The following RTN4RL1 variants were observed in gnomAD, a reference collection of about 807,000 sequenced individuals.
RTN4RL1 encodes the protein reticulon 4 receptor like 1.
A neutral mutation model predicts 25.6 loss-of-function variants in RTN4RL1; 7 were observed. The ratio of observed to expected loss-of-function variants is 0.27; its 90% CI spans 0.16 to 0.51. RTN4RL1 has a LOEUF of 0.51. RTN4RL1 is among the 20% of genes least tolerant of loss of function. The pLI is 0.97. For missense variants in RTN4RL1, 500 were observed against 615.6 expected (o/e 0.81, Z 1.99); for synonymous variants, 297 against 288.2 (o/e 1.03, Z -0.31).
intron 1 of RTN4RL1, among the ~76,000 whole-genome samples, chr17:1,942,485 G>A (rs1290658962): frequency 6.6e-6 from 1 of 152,026 alleles, no homozygotes; most frequent in Non-Finnish European, 1.5e-5. Flanking sequence ...CCCTGGAGGT[G>A]TGTGTGGGAA....
chr17:1,955,205 T>C (rs1418030092), intron 1 of RTN4RL1, among the ~76,000 whole-genome samples: 1 of 152,164 alleles, frequency 6.6e-6, no homozygotes, highest in Non-Finnish European at 1.5e-5. Flanking sequence ...TCCCCAACCC[T>C]ATTTCTCCCT....
At chr17:1,988,418 A>T (rs1440388799) in intron 1 of RTN4RL1, among the ~76,000 whole-genome samples, 1 of 144,984 alleles carries the variant, frequency 6.9e-6, no homozygotes, top group Non-Finnish European at 1.5e-5. Flanking sequence ...AAAAAAAAAA[A>T]AAAGAAAAGA....
At position 1,994,067 on chromosome 17, in the gene RTN4RL1, C is replaced by G. The variant is rs182998541; in HGVS notation, c.13+30786G>C. On this transcript the variant is annotated intron_variant, in intron 1 of 1. Coordinates refer to ENST00000331238, the MANE Select transcript of RTN4RL1 (RefSeq NM_178568.4). This position sits in a 1 kb window ranked among gnomAD's most constrained non-coding sequence, Gnocchi z 4.3. ...CACCCCCGGCTACGCTGAACCACCC[C>G]GTTCCTCAGGACACGTGCACTCGAA... Among the ~76,000 whole-genome samples, 28 of 152,168 alleles carry G rather than the reference C, an allele frequency of 1.8e-4. No individual in the cohort carries two copies. The highest frequency in any genetic ancestry group is 9.2e-4 in the Admixed American group (14 of 15,268).
chr17:1,962,649 GAGGTC>G (rs1055147930), intron 1 of RTN4RL1, among the ~76,000 whole-genome samples: 2 of 151,992 alleles, frequency 1.3e-5, no homozygotes, highest in African/African-American at 4.8e-5. Context: ...TGGATCATTT[GAGGTC>G]AGGAGTTCGA....
At position 1,934,693 on chromosome 17, in the gene RTN4RL1, T is replaced by G. The variant is rs1915257564; in HGVS notation, c.*1803A>C. On this transcript the variant is annotated 3_prime_UTR_variant, in exon 2 of 2. Transcript: ENST00000331238. This position sits in a 1 kb window ranked among gnomAD's most constrained non-coding sequence, Gnocchi z 4.0. ...AAAACAGGGTTCTTGTCCAAGATCA[T>G]TTATTGTTATTATTATTTTTCTCTC... 1 of 152,546 alleles carries G rather than the reference T, an allele frequency of 6.6e-6. No homozygotes were observed. Among genetic ancestry groups the G allele is most frequent in the South Asian group, 2.1e-4 (1 of 4,836 alleles). The allele number at this position is 152,546 out of a possible 1,614,324, so 9.4% of individuals were successfully genotyped here. A position where few individuals can be genotyped will look rare whatever the true frequency, so the allele number is the denominator to read the frequency against.
chr17:2,022,208 T>C (rs1406678592), intron 1 of RTN4RL1, among the ~76,000 whole-genome samples: 2 of 151,962 alleles, frequency 1.3e-5, no homozygotes, highest in African/African-American at 2.4e-5. Context: ...CCTAGCTACT[T>C]GGGAGGCTGA....
chr17:1,975,198 G>A (rs1178768002), intron 1 of RTN4RL1, among the ~76,000 whole-genome samples: 1 of 152,156 alleles, frequency 6.6e-6, no homozygotes, highest in Non-Finnish European at 1.5e-5. Context: ...GCTGTTCTAC[G>A]ATTAACCTAA....
chr17:2,023,972 G>A (rs2067243431), intron 1 of RTN4RL1, among the ~76,000 whole-genome samples: 1 of 152,132 alleles, frequency 6.6e-6, no homozygotes, highest in South Asian at 2.1e-4. Flanking sequence ...GGCCTGGGAG[G>A]GGAGAGGCAG....
intron 1 of RTN4RL1, among the ~76,000 whole-genome samples, chr17:1,993,858 C>T (rs1261893429): frequency 6.6e-6 from 1 of 152,116 alleles, no homozygotes; most frequent in Non-Finnish European, 1.5e-5. Flanking sequence ...TCACAACACA[C>T]AGCTTCAAAT....
intron 1 of RTN4RL1, among the ~76,000 whole-genome samples, chr17:1,961,773 C>CAAAAAAAAAAAAAAAAAAAAAAAA (rs1163170575): frequency 3.6e-5 from 2 of 55,578 alleles, no homozygotes; most frequent in African/African-American, 6.9e-5. Context: ...ACTAAAAATA[C>CAAAAAAAAAAAAAAAAAAAAAAAA]AAAAAAAAAA....
At chr17:1,979,253 A>G (rs1032329146) in intron 1 of RTN4RL1, among the ~76,000 whole-genome samples, 1 of 152,240 alleles carries the variant, frequency 6.6e-6, no homozygotes, top group Non-Finnish European at 1.5e-5. Flanking sequence ...AGCCTGGGCG[A>G]CAGAGCCAGA....
chr17:1,958,855 TA>T (rs1915842829), intron 1 of RTN4RL1, among the ~76,000 whole-genome samples: 2 of 152,376 alleles, frequency 1.3e-5, no homozygotes, highest in African/African-American at 4.8e-5. Context: ...GGATCTTGAA[TA>T]AAATTGTCTG....
At chr17:1,946,506 C>A (rs149416472) in intron 1 of RTN4RL1, among the ~76,000 whole-genome samples, 2 of 138,254 alleles carry the variant, frequency 1.4e-5, no homozygotes, top group African/African-American at 2.7e-5. Context: ...ACGGGGTCTG[C>A]GTGGATCTAT....
At chr17:2,013,662 T>TTGG (rs1567528213) in intron 1 of RTN4RL1, among the ~76,000 whole-genome samples, 51 of 119,422 alleles carry the variant, frequency 4.3e-4, no homozygotes, top group East Asian at 1.0e-3. Context: ...TCTCTCACCC[T>TTGG]GGAACATAAA....
At chr17:1,996,510 C>A (rs1022164924) in intron 1 of RTN4RL1, among the ~76,000 whole-genome samples, 2 of 151,636 alleles carry the variant, frequency 1.3e-5, no homozygotes, top group South Asian at 2.1e-4. Context: ...ATCCTTGTGA[C>A]CCCCCTCTTC....
At chr17:1,946,965 GTC>G (rs1471975510) in intron 1 of RTN4RL1, among the ~76,000 whole-genome samples, 1 of 123,822 alleles carries the variant, frequency 8.1e-6, no homozygotes, top group Non-Finnish European at 1.9e-5. Flanking sequence ...GTCTGTGTGC[GTC>G]TCTGTGTGAA....
At chr17:1,956,033 A>T (rs970325868) in intron 1 of RTN4RL1, among the ~76,000 whole-genome samples, 4 of 152,150 alleles carry the variant, frequency 2.6e-5, no homozygotes, top group African/African-American at 9.7e-5. Context: ...GAGCTATATA[A>T]AATTTAAATA....
chr17:1,967,840 C>A (rs2066799083), intron 1 of RTN4RL1, among the ~76,000 whole-genome samples: 1 of 152,112 alleles, frequency 6.6e-6, no homozygotes. Flanking sequence ...GGGGTTTCAC[C>A]ATGTTGGCCA....
intron 1 of RTN4RL1, among the ~76,000 whole-genome samples, chr17:1,940,116 T>A (rs771725450): frequency 6.6e-6 from 1 of 152,178 alleles, no homozygotes; most frequent in Non-Finnish European, 1.5e-5. Context: ...AACAGCCTCG[T>A]AAATAAGTGA....
Sources: allele counts gnomAD v4.1 joint callset (sites outside exome capture counted in the v4.1 genomes callset), GRCh38; gene constraint gnomAD v4.1.1; non-coding constraint Gnocchi (gnomAD v3.1); transcripts MANE v1.5; gene names NCBI Gene and HGNC (gene_info 2026-07-23, HGNC 2026-07-21).